The following PCDH17 variants were observed in gnomAD, a reference collection of about 807,000 sequenced individuals.
PCDH17 encodes protocadherin-17.
In PCDH17, 21 loss-of-function variants were observed where a neutral mutation model predicts 67.7. That is an observed-to-expected ratio of 0.31 (90% confidence interval 0.22 to 0.45). The LOEUF is 0.45. Ranked by LOEUF, PCDH17 falls within the 20% of genes least tolerant of loss-of-function variation. PCDH17 has a pLI of 1.00. For synonymous variants in PCDH17, 701 were observed against 656.7 expected, an observed-to-expected ratio of 1.07 and a Z score of -1.03; for missense variants, 1,471 against 1,564.8, an observed-to-expected ratio of 0.94 and a Z score of 1.01.
At chr13:57,706,026 A>AG (rs1313816092) in intron 3 of PCDH17, among the ~76,000 whole-genome samples, 1 of 152,036 alleles carries the variant, frequency 6.6e-6, no homozygotes, top group Non-Finnish European at 1.5e-5. Flanking sequence ...AAAAAAAAAA[A>AG]AAAAATACCC....
At chr13:57,718,874 A>G (rs1196641753) in intron 3 of PCDH17, among the ~76,000 whole-genome samples, 1 of 152,074 alleles carries the variant, frequency 6.6e-6, no homozygotes, top group African/African-American at 2.4e-5. Flanking sequence ...GAAAAAGGCC[A>G]TAAAATCAAG....
At chr13:57,656,909 G>A (rs1277835226) in intron 1 of PCDH17, among the ~76,000 whole-genome samples, 1 of 152,206 alleles carries the variant, frequency 6.6e-6, no homozygotes, top group East Asian at 1.9e-4. Flanking sequence ...TGGCATCTCA[G>A]TTGGCCCTGG....
chr13:57,709,594 G>A (rs892830526), intron 3 of PCDH17: 11 of 151,942 alleles, frequency 7.2e-5, no homozygotes, highest in Non-Finnish European at 1.6e-4. Context: ...AATAGAGAAG[G>A]ATTCATAATT....
chr13:57,679,545 T>C (rs1442187509), intron 3 of PCDH17, among the ~76,000 whole-genome samples: 1 of 151,482 alleles, frequency 6.6e-6, no homozygotes. Context: ...CCCTTACCTC[T>C]GACACTGGGT....
chr13:57,719,754 G>T (rs1955857741), intron 3 of PCDH17, among the ~76,000 whole-genome samples: 1 of 151,968 alleles, frequency 6.6e-6, no homozygotes, highest in Non-Finnish European at 1.5e-5. Context: ...TTTTTGGCTG[G>T]TTGCTAGGCA....
Position 57,633,061 on chromosome 13 carries a change from C to A in PCDH17, c.515C>A (p.Thr172Lys), listed in dbSNP as rs781536747. 3 of 1,613,228 alleles carry A rather than the reference C, an allele frequency of 1.9e-6. No individual in the cohort carries two copies. Among genetic ancestry groups the A allele is most frequent in the Middle Eastern group, 1.6e-4 (1 of 6,062 alleles). The stretch of plus-strand genomic sequence containing the variant: ...AATGGGCTCCGCACCTACCTGCTCA[C>A]GCGCGACGATCACGGCCTCTTTGGA... ...GENGLRTYLL[T>K]RDDHGLFGLD... Residue 172 changes from threonine to lysine, a missense_variant, in exon 1 of 4, where the codon ACG becomes AAG. Around this residue, in one of 3 missense-constraint regions of PCDH17, gnomAD observed 1,163 missense variants for 1,230.0 expected, o/e 0.95. Coordinates refer to ENST00000377918, the MANE Select transcript of PCDH17 (RefSeq NM_001040429.3). The surrounding 1 kb of genome is among the most constrained non-coding windows in gnomAD (Gnocchi z 6.2).
chr13:57,660,309 T>C (rs1307714094), intron 1 of PCDH17, among the ~76,000 whole-genome samples: 2 of 152,142 alleles, frequency 1.3e-5, no homozygotes, highest in Non-Finnish European at 1.5e-5. Flanking sequence ...TGTGATTAAA[T>C]AGATATTTAT....
At chr13:57,690,734 A>G (rs185459067) in intron 3 of PCDH17, among the ~76,000 whole-genome samples, 21 of 151,686 alleles carry the variant, frequency 1.4e-4, no homozygotes, top group Non-Finnish European at 3.0e-4. Context: ...ATTTGATACA[A>G]TGCATAATCC....
upstream of PCDH17, among the ~76,000 whole-genome samples, chr13:57,630,195 C>T (rs1406735611): frequency 1.3e-5 from 2 of 152,174 alleles, no homozygotes; most frequent in Admixed American, 1.3e-4. Context: ...GACGCTACTC[C>T]AACTGTTGAA....
intron 1 of PCDH17, among the ~76,000 whole-genome samples, chr13:57,659,467 C>G (rs1275694591): frequency 1.3e-5 from 2 of 151,948 alleles, no homozygotes; most frequent in Non-Finnish European, 2.9e-5. Context: ...CATATCATTA[C>G]TGTGCTGCAC....
At chr13:57,707,642 C>T (rs920304120) in intron 3 of PCDH17, among the ~76,000 whole-genome samples, 4 of 152,108 alleles carry the variant, frequency 2.6e-5, no homozygotes, top group African/African-American at 9.6e-5. Flanking sequence ...GTACTGCAAA[C>T]TGTGTGGCTA....
intron 1 of PCDH17, among the ~76,000 whole-genome samples, chr13:57,642,647 A>G (rs1340948252): frequency 1.3e-5 from 2 of 151,624 alleles, no homozygotes; most frequent in African/African-American, 4.8e-5. Flanking sequence ...CCACCTAAAT[A>G]CTTAACAGAT....
intron 3 of PCDH17, among the ~76,000 whole-genome samples, chr13:57,692,875 A>G (rs767780248): frequency 6.6e-6 from 1 of 151,198 alleles, no homozygotes; most frequent in African/African-American, 2.4e-5. Flanking sequence ...AGTAAGGTGA[A>G]ACATATCATA....
At chr13:57,630,987 G>GCC (rs1954711927), upstream of PCDH17, among the ~76,000 whole-genome samples, 1 of 152,032 alleles carries the variant, frequency 6.6e-6, no homozygotes. Flanking sequence ...CGGGGTAGGA[G>GCC]CCCCTGGCTG....
At chr13:57,714,232 G>C (rs955630999) in intron 3 of PCDH17, among the ~76,000 whole-genome samples, 1 of 151,566 alleles carries the variant, frequency 6.6e-6, no homozygotes, top group Non-Finnish European at 1.5e-5. Flanking sequence ...CTTGTTTCTA[G>C]CAATGGAAAA....
At chr13:57,706,015 TA>T (rs747132510) in intron 3 of PCDH17, among the ~76,000 whole-genome samples, 4,430 of 128,614 alleles carry the variant, frequency 0.034, 114 homozygotes, top group Admixed American at 0.1. Flanking sequence ...AACTCAGTCT[TA>T]AAAAAAAAAA....
chr13:57,653,188 T>C (rs1050810215), intron 1 of PCDH17, among the ~76,000 whole-genome samples: 1 of 152,150 alleles, frequency 6.6e-6, no homozygotes, highest in South Asian at 2.1e-4. Flanking sequence ...AAATCAATTC[T>C]CAGATTTAAT....
chr13:57,636,434 T>G (rs1054007722), intron 1 of PCDH17, among the ~76,000 whole-genome samples: 1 of 152,190 alleles, frequency 6.6e-6, no homozygotes, highest in Non-Finnish European at 1.5e-5. Context: ...ATCTTATTCT[T>G]TCTAACATAA....
rs141908897 is a variant in PCDH17, at chr13:57,654,286, A to T, written c.2566-12182A>T. 1.2e-4 allele frequency among the ~76,000 whole-genome samples: 18 copies of T among 152,182 alleles called. No homozygotes were observed. The East Asian group carries it at 2.3e-3, about 20-fold the overall frequency. ...TGAAGCAGGAAGGCAGCCATAGAAAACATGCAAATGAATGGGACATGGCTG... is the reference window on the plus strand; with the variant it reads ...TGAAGCAGGAAGGCAGCCATAGAAATCATGCAAATGAATGGGACATGGCTG... On this transcript the variant is annotated intron_variant, in intron 1 of 3. Coordinates refer to ENST00000377918, the MANE Select transcript of PCDH17 (RefSeq NM_001040429.3).
Sources: gnomAD v4.1 joint callset for allele counts (sites outside exome capture counted in the v4.1 genomes callset) on GRCh38, gnomAD v4.1.1 for gene constraint, gnomAD v4.1.1 regional missense constraint, Gnocchi (gnomAD v3.1) non-coding constraint, MANE v1.5 for transcripts, NCBI Gene and HGNC (gene_info 2026-07-23, HGNC 2026-07-21) for gene names.